DGKI: variants seen among roughly 807,000 people sequenced by gnomAD.
The protein encoded by DGKI is DAG kinase iota.
DGKI carries 55 observed loss-of-function variants against 147.5 expected under a neutral mutation model. The observed-to-expected ratio is 0.37, with a 90% CI of 0.30 to 0.47. The LOEUF (loss-of-function observed/expected upper bound fraction) is 0.47. Among genes scored for constraint, DGKI ranks in the 20% least tolerant of loss-of-function variants. The pLI, the probability that DGKI is intolerant of heterozygous loss-of-function variation, is 1.00. For synonymous variants in DGKI, 469 were observed against 477.1 expected (o/e 0.98, Z 0.22); for missense variants, 1,007 against 1,323.8 (o/e 0.76, Z 3.71).
chr7:137,743,652 T>G (rs1795242328), intron 1 of DGKI, among the ~76,000 whole-genome samples: 1 of 151,982 alleles, frequency 6.6e-6, no homozygotes, highest in Admixed American at 6.6e-5. Context: ...AAATTAACAA[T>G]CTAAACTTCA....
intron 24 of DGKI, among the ~76,000 whole-genome samples, chr7:137,467,236 C>T (rs1814694820): frequency 6.6e-6 from 1 of 152,224 alleles, no homozygotes; most frequent in African/African-American, 2.4e-5. Context: ...AACCTCCCAA[C>T]ACCAGACAGA....
chr7:137,540,731 C>T (rs181320963), intron 20 of DGKI, among the ~76,000 whole-genome samples: 1 of 50,088 alleles, frequency 2.0e-5, no homozygotes, highest in Non-Finnish European at 4.4e-5. Flanking sequence ...TAACAATGAG[C>T]AATTGGAAAC....
chr7:137,441,173 T>C (rs554957233), intron 28 of DGKI, among the ~76,000 whole-genome samples: 2 of 151,928 alleles, frequency 1.3e-5, no homozygotes, highest in African/African-American at 4.8e-5. Flanking sequence ...GTAATCCCAG[T>C]ACTTTGGGAG....
intron 7 of DGKI, among the ~76,000 whole-genome samples, chr7:137,622,311 CTG>C (rs1820777106): frequency 6.6e-6 from 1 of 152,190 alleles, no homozygotes; most frequent in Non-Finnish European, 1.5e-5. Context: ...GCCCCATGGC[CTG>C]TGTGGCTAGT....
chr7:137,543,520 G>T (rs1237509343), intron 20 of DGKI, among the ~76,000 whole-genome samples: 7 of 151,928 alleles, frequency 4.6e-5, no homozygotes, highest in Admixed American at 4.6e-4. Flanking sequence ...CATTCCTGGA[G>T]AAAAAGTCTT....
At chr7:137,845,334 A>T (rs1563224648) in intron 1 of DGKI, among the ~76,000 whole-genome samples, 1 of 152,116 alleles carries the variant, frequency 6.6e-6, no homozygotes, top group Non-Finnish European at 1.5e-5. Flanking sequence ...CCAAACCCAC[A>T]CACCTCTGTC....
chr7:137,553,982 G>A (rs1818136063), intron 19 of DGKI, among the ~76,000 whole-genome samples: 1 of 152,084 alleles, frequency 6.6e-6, no homozygotes, highest in South Asian at 2.1e-4. Context: ...CCAACCTCTT[G>A]GTATTTGAAG....
chr7:137,542,138 G>A (rs1384763803), intron 20 of DGKI, among the ~76,000 whole-genome samples: 2 of 152,182 alleles, frequency 1.3e-5, no homozygotes, highest in East Asian at 1.9e-4. Flanking sequence ...GGGGTGTGGA[G>A]CAACTGGAAT....
At chr7:137,610,073 TTTAC>T (rs1381512236) in intron 8 of DGKI, among the ~76,000 whole-genome samples, 1 of 151,944 alleles carries the variant, frequency 6.6e-6, no homozygotes, top group Non-Finnish European at 1.5e-5. Flanking sequence ...TTTTTCTTAG[TTTAC>T]TCTTTTGGTA....
chr7:137,513,961 G>A (rs973384560), intron 21 of DGKI: 11 of 756,656 alleles, frequency 1.5e-5, no homozygotes, highest in Non-Finnish European at 2.3e-5. Context: ...GCACCGTGGA[G>A]GCCACAGGAG....
chr7:137,423,868 T>A (rs780411511), intron 28 of DGKI, among the ~76,000 whole-genome samples: 2 of 152,196 alleles, frequency 1.3e-5, no homozygotes, highest in Non-Finnish European at 2.9e-5. Flanking sequence ...GCATTATTTA[T>A]TTATCAATTT....
At chr7:137,449,922 T>C (rs1813885282) in intron 27 of DGKI, among the ~76,000 whole-genome samples, 1 of 152,064 alleles carries the variant, frequency 6.6e-6, no homozygotes, top group African/African-American at 2.4e-5. Context: ...GAAAATGTGG[T>C]ATATATACAC....
intron 24 of DGKI, 101 bp from the exon 25 acceptor site, chr7:137,467,043 C>T: frequency 8.9e-7 from 1 of 1,126,822 alleles, no homozygotes; most frequent in Non-Finnish European, 1.3e-6. Context: ...CCCTACATGG[C>T]AGTCATGCTA....
At chr7:137,743,715 G>A (rs1045647964) in intron 1 of DGKI, among the ~76,000 whole-genome samples, 1 of 152,132 alleles carries the variant, frequency 6.6e-6, no homozygotes, top group Non-Finnish European at 1.5e-5. Flanking sequence ...CGGGCGCGGT[G>A]GCTGACACCT....
At chr7:137,439,467 G>T (rs985526813) in intron 28 of DGKI, among the ~76,000 whole-genome samples, 1 of 152,176 alleles carries the variant, frequency 6.6e-6, no homozygotes, top group Non-Finnish European at 1.5e-5. Flanking sequence ...GAGAGCTTGT[G>T]CAGGGGAACT....
At chr7:137,412,924 GA>G (rs796172549) in intron 28 of DGKI, among the ~76,000 whole-genome samples, 275 of 151,412 alleles carry the variant, frequency 1.8e-3, no homozygotes, top group East Asian at 3.9e-3. Context: ...TAGCCTTAGG[GA>G]AAAAAAAATA....
intron 13 of DGKI, among the ~76,000 whole-genome samples, chr7:137,586,856 G>T (rs1819421692): frequency 6.6e-6 from 1 of 152,160 alleles, no homozygotes; most frequent in African/African-American, 2.4e-5. Flanking sequence ...AAAGCCGCAG[G>T]CCTGTGTACT....
chr7:137,802,687 A>C (rs1293233153), intron 1 of DGKI, among the ~76,000 whole-genome samples: 1 of 152,180 alleles, frequency 6.6e-6, no homozygotes, highest in Non-Finnish European at 1.5e-5. Flanking sequence ...TTCCAGAGTA[A>C]ATTTCTTATT....
chr7:137,494,361 A>G (rs1815883425), intron 21 of DGKI, among the ~76,000 whole-genome samples: 1 of 152,190 alleles, frequency 6.6e-6, no homozygotes, highest in Admixed American at 6.5e-5. Context: ...TCACCAAGAC[A>G]CACAGTCATC....
Sources: gnomAD v4.1 joint callset for allele counts (sites outside exome capture counted in the v4.1 genomes callset) on GRCh38, gnomAD v4.1.1 for gene constraint, MANE v1.5 for transcripts, NCBI Gene and HGNC (gene_info 2026-07-23, HGNC 2026-07-21) for gene names.